Variants in MYO1D observed in about 807,000 individuals in gnomAD.
The protein encoded by MYO1D is unconventional myosin-Id.
Under a neutral mutation model 122.0 loss-of-function variants are expected in MYO1D, and 83 were observed. That is an observed-to-expected ratio of 0.68 (90% CI 0.57 to 0.82). The LOEUF (loss-of-function observed/expected upper bound fraction) is 0.82, where lower values mean the gene tolerates loss of function less well. Ranked by LOEUF, MYO1D falls within the 40% of genes least tolerant of loss-of-function variation. The pLI is 0.00. For missense variants in MYO1D, 1,157 were observed against 1,269.5 expected, an observed-to-expected ratio of 0.91 and a Z score of 1.35; for synonymous variants, 464 against 446.9, an observed-to-expected ratio of 1.04 and a Z score of -0.48.
At chr17:32,732,511 G>A (rs1171440138) in intron 14 of MYO1D, among the ~76,000 whole-genome samples, 1 of 152,118 alleles carries the variant, frequency 6.6e-6, no homozygotes. Flanking sequence ...CGACCTGCCT[G>A]CAGAGAGGAG....
At chr17:32,800,323 C>T (rs568255642) in intron 1 of MYO1D, among the ~76,000 whole-genome samples, 21 of 151,814 alleles carry the variant, frequency 1.4e-4, no homozygotes, top group African/African-American at 3.4e-4. Flanking sequence ...TTTTAAAATG[C>T]GAAATATATA....
chr17:32,646,181 A>T (rs1330371507), intron 19 of MYO1D, among the ~76,000 whole-genome samples: 1 of 152,200 alleles, frequency 6.6e-6, no homozygotes, highest in Non-Finnish European at 1.5e-5. Flanking sequence ...GAGCATGTTT[A>T]ACCCAGTATT....
At position 32,809,672 on chromosome 17, in the gene MYO1D, C is replaced by T. The variant is rs191099418; in HGVS notation, c.96-28888G>A. On this transcript the variant is annotated intron_variant, in intron 1 of 21. Coordinates refer to ENST00000318217, the MANE Select transcript of MYO1D (RefSeq NM_015194.3). ...CAAGCTGGTCTCAAACTCCTGGCCT[C>T]AATTAATCTGCCTGTCTTGGCCTCC... 2.6e-5 allele frequency among the ~76,000 whole-genome samples: 4 copies of T among 152,286 alleles called. No individual in the cohort carries two copies. In the East Asian group the frequency reaches 7.7e-4, roughly 29 times the overall value.
At chr17:32,562,414 T>C (rs913921211) in intron 21 of MYO1D, among the ~76,000 whole-genome samples, 1 of 152,232 alleles carries the variant, frequency 6.6e-6, no homozygotes, top group African/African-American at 2.4e-5. Context: ...AAATAACTTA[T>C]TTATGGATCT....
At chr17:32,711,877 C>T (rs2089380762) in intron 16 of MYO1D, 111 bp downstream of exon 16, 1 of 912,314 alleles carries the variant, frequency 1.1e-6, no homozygotes, top group Non-Finnish European at 1.6e-6. Context: ...TATGCATAGA[C>T]ATAAAACAAC....
rs184079013 is a variant in MYO1D at position 32,786,264 on chromosome 17, A to T, written c.96-5480T>A. Among the ~76,000 whole-genome samples, 1,329 of 150,828 alleles carry T rather than the reference A, an allele frequency of 8.8e-3. 8 individuals are homozygous for T. The highest frequency in any genetic ancestry group is 0.023 in the East Asian group (117 of 5,174). ...GAAGTAACTAGAAATTCCTTTTTTT[A>T]AAAAAAAACAGGCTGTCATAGTGGT... On this transcript the variant is annotated intron_variant, in intron 1 of 21. Coordinates refer to ENST00000318217, the MANE Select transcript of MYO1D (RefSeq NM_015194.3).
Position 32,874,859 on chromosome 17 carries a change from A to G in MYO1D, c.95+1919T>C, listed in dbSNP as rs148499663. ...CCTTAGTAATCTATTTTGAGATTCAAACTTCACACTTAAGAGACTTAATGC... is the reference window on the plus strand; with the variant it reads ...CCTTAGTAATCTATTTTGAGATTCAGACTTCACACTTAAGAGACTTAATGC... On this transcript the variant is annotated intron_variant, in intron 1 of 21. Coordinates refer to ENST00000318217, the MANE Select transcript of MYO1D (RefSeq NM_015194.3). 1.6e-3 allele frequency among the ~76,000 whole-genome samples: 243 copies of G among 152,340 alleles called. 1 individual carries two copies. Among genetic ancestry groups the G allele is most frequent in the African/African-American group, 5.6e-3 (232 of 41,576 alleles).
intron 1 of MYO1D, among the ~76,000 whole-genome samples, chr17:32,868,335 C>T (rs2091148052): frequency 6.6e-6 from 1 of 152,116 alleles, no homozygotes. Context: ...AACTGAGGCT[C>T]AAAGAAGCTA....
intron 12 of MYO1D, among the ~76,000 whole-genome samples, chr17:32,747,856 AAGAT>A (rs1264844909): frequency 3.9e-5 from 6 of 152,020 alleles, no homozygotes; most frequent in Non-Finnish European, 8.8e-5. Flanking sequence ...GAAAAAAAAA[AAGAT>A]AGACACAAAG....
chr17:32,576,877 G>A (rs1052996959), intron 21 of MYO1D, among the ~76,000 whole-genome samples: 3 of 151,924 alleles, frequency 2.0e-5, no homozygotes, highest in Non-Finnish European at 2.9e-5. Flanking sequence ...ATGAGGTCTC[G>A]CTTTGTTGCC....
At position 32,721,006 on chromosome 17, in the gene MYO1D, G is replaced by A; in HGVS notation, c.1913+17C>T. On this transcript the variant is annotated intron_variant, in intron 15 of 21. Transcript: ENST00000318217. The stretch of plus-strand genomic sequence containing the variant: ...TATTCTCAGTGAACTAGGCCTCTCT[G>A]ACGAGTCTATTCTCACCTGTGAAGA... 1 of 1,608,836 alleles carries A rather than the reference G, an allele frequency of 6.2e-7. No homozygotes were observed. The highest frequency in any genetic ancestry group is 2.2e-5 in the East Asian group (1 of 44,782).
chr17:32,735,244 CA>C (rs2089687725), intron 14 of MYO1D, among the ~76,000 whole-genome samples: 1 of 152,084 alleles, frequency 6.6e-6, no homozygotes, highest in African/African-American at 2.4e-5. Context: ...GGCTGGAATG[CA>C]TTGGCACCAT....
At chr17:32,738,997 T>C (rs970265249) in intron 13 of MYO1D, among the ~76,000 whole-genome samples, 1 of 152,204 alleles carries the variant, frequency 6.6e-6, no homozygotes, top group African/African-American at 2.4e-5. Context: ...GATGTGACAT[T>C]AGGACTGTTG....
Position 32,780,774 on chromosome 17 carries a change from C to G in MYO1D, c.106G>C (p.Gly36Arg). ...TCTCCAATGAACGTATAGATGCGCC[C>G]TTTTTCAAATCTGTACAGAAGCAAA... ...MANLRLRFEKGRIYTFIGEVV... is the reference protein window; with the variant it reads ...MANLRLRFEKRRIYTFIGEVV... Residue 36 changes from glycine (G) to arginine (R), a missense_variant, in exon 2 of 22, where the codon GGG becomes CGG. Coordinates refer to ENST00000318217, the MANE Select transcript of MYO1D (RefSeq NM_015194.3). The G allele has an allele frequency of 6.2e-7, 1 of 1,614,096 alleles. No homozygotes were observed. Among genetic ancestry groups the G allele is most frequent in the African/African-American group, 1.3e-5 (1 of 75,028 alleles).
chr17:32,789,092 C>G (rs1327689167), intron 1 of MYO1D, among the ~76,000 whole-genome samples: 1 of 152,070 alleles, frequency 6.6e-6, no homozygotes, highest in Non-Finnish European at 1.5e-5. Flanking sequence ...AGCAGTGCTG[C>G]TGATTTGTGT....
At chr17:32,585,464 T>C (rs1244596651) in intron 21 of MYO1D, among the ~76,000 whole-genome samples, 1 of 152,172 alleles carries the variant, frequency 6.6e-6, no homozygotes, top group Non-Finnish European at 1.5e-5. Flanking sequence ...GCACAGTGGC[T>C]CATGCCTGTA....
chr17:32,691,005 T>TA lies in MYO1D; in HGVS notation c.2121+20982dup, dbSNP rs1263405019. Among the ~76,000 whole-genome samples, 5 of 152,222 alleles carry TA rather than the reference T, an allele frequency of 3.3e-5. No individual in the cohort carries two copies. The East Asian group carries it at 9.7e-4, about 29-fold the overall frequency. On this transcript the variant is annotated intron_variant, in intron 16 of 21. Coordinates refer to ENST00000318217, the MANE Select transcript of MYO1D (RefSeq NM_015194.3). The stretch of plus-strand genomic sequence containing the variant: ...TAGTATTTATTTCTCCTCATGCTTG[T>TA]AACCTCAGCACTTTGGGAGGCTGAG...
At chr17:32,808,938 A>G (rs1157040650) in intron 1 of MYO1D, among the ~76,000 whole-genome samples, 1 of 152,200 alleles carries the variant, frequency 6.6e-6, no homozygotes, top group African/African-American at 2.4e-5. Context: ...TTTTGTATGC[A>G]AATTTTATGC....
rs1426986222 is a variant in MYO1D, at chr17:32,718,176, TAAGTATATAATTC to T, written c.1913+2834_1913+2846del. ...TTACATACACTAAAATATACACATT[TAAGTATATAATTC>T]AAGTATATAATTCAAGTTCTGACAA... On this transcript the variant is annotated intron_variant, in intron 15 of 21. Transcript: ENST00000318217. 2.2e-4 allele frequency among the ~76,000 whole-genome samples: 34 copies of T among 152,190 alleles called. No individual in the cohort carries two copies. In the South Asian group the frequency reaches 2.3e-3, roughly 10 times the overall value.
Sources: gnomAD v4.1 joint callset for allele counts (sites outside exome capture counted in the v4.1 genomes callset) on GRCh38, gnomAD v4.1.1 for gene constraint, MANE v1.5 for transcripts, NCBI Gene and HGNC (gene_info 2026-07-23, HGNC 2026-07-21) for gene names.